XRCC4: variants seen among roughly 807,000 people sequenced by gnomAD.
XRCC4 encodes X-ray repair cross complementing 4.
XRCC4 carries 28 observed loss-of-function variants against 39.1 expected under a neutral mutation model. The observed-to-expected ratio is 0.72, with a 90% CI of 0.53 to 0.98. XRCC4 has a LOEUF of 0.98. XRCC4 is among the 50% of genes least tolerant of loss of function. The pLI is 0.00. For synonymous variants in XRCC4, 123 were observed against 126.4 expected (o/e 0.97, Z 0.18); for missense variants, 350 against 376.4 (o/e 0.93, Z 0.58).
At chr5:83,348,343 A>G (rs747708926) in intron 7 of XRCC4, among the ~76,000 whole-genome samples, 6 of 152,190 alleles carry the variant, frequency 3.9e-5, no homozygotes, top group Non-Finnish European at 7.3e-5. Context: ...ACATCCATGC[A>G]TTTCCATACA....
intron 7 of XRCC4, among the ~76,000 whole-genome samples, chr5:83,282,921 T>A (rs901190981): frequency 5.3e-5 from 8 of 152,092 alleles, no homozygotes; most frequent in Non-Finnish European, 8.8e-5. Context: ...ACAATATATA[T>A]TTGGAAACAT....
chr5:83,353,093 T>A, intron 7 of XRCC4, 38 bp from the exon 8 acceptor site: 3 of 1,516,688 alleles, frequency 2.0e-6, no homozygotes, highest in Non-Finnish European at 2.7e-6. Context: ...CAGAAGTTTT[T>A]AAAAATAAAA....
downstream of XRCC4, among the ~76,000 whole-genome samples, chr5:83,354,116 T>G (rs1439614000): frequency 6.6e-6 from 1 of 152,246 alleles, no homozygotes; most frequent in Non-Finnish European, 1.5e-5. Context: ...ACCATGTTGC[T>G]AAATCCAGTG....
intron 3 of XRCC4, among the ~76,000 whole-genome samples, chr5:83,123,203 A>G (rs547313449): frequency 6.6e-6 from 1 of 152,166 alleles, no homozygotes; most frequent in Admixed American, 6.5e-5. Context: ...TACTTCATGT[A>G]TTTTGAGTCT....
intron 3 of XRCC4, among the ~76,000 whole-genome samples, chr5:83,142,653 G>A (rs190593962): frequency 4.1e-4 from 62 of 150,606 alleles, no homozygotes; most frequent in African/African-American, 1.2e-3. Context: ...AAGGATATTT[G>A]AAGTTTTGTG....
chr5:83,314,688 T>A (rs558090103), intron 7 of XRCC4, among the ~76,000 whole-genome samples: 3 of 152,176 alleles, frequency 2.0e-5, no homozygotes, highest in Non-Finnish European at 4.4e-5. Context: ...ATATCTGTTA[T>A]GGTTATCTGT....
chr5:83,313,327 G>A (rs1235003731), intron 7 of XRCC4, among the ~76,000 whole-genome samples: 1 of 151,998 alleles, frequency 6.6e-6, no homozygotes, highest in African/African-American at 2.4e-5. Context: ...TACTGTCCCT[G>A]TCCATTGAAA....
At chr5:83,164,173 A>G (rs554943342) in intron 3 of XRCC4, among the ~76,000 whole-genome samples, 2 of 152,316 alleles carry the variant, frequency 1.3e-5, no homozygotes, top group East Asian at 1.9e-4. Context: ...ATAAGAAATT[A>G]GTGAACTGAA....
intron 7 of XRCC4, among the ~76,000 whole-genome samples, chr5:83,276,428 A>G (rs1754335973): frequency 6.6e-6 from 1 of 151,450 alleles, no homozygotes; most frequent in Non-Finnish European, 1.5e-5. Flanking sequence ...ACCCTAATGA[A>G]GGGATTAATC....
chr5:83,107,390 T>C lies in XRCC4; in HGVS notation c.139+2332T>C, dbSNP rs150515192. On this transcript the variant is annotated intron_variant, in intron 2 of 7. Transcript: ENST00000396027. ...TTCCGATACCTCATCCTGTTTTTTT[T>C]TGTTCAACATTTTGATTACTGCAAC... Among the ~76,000 whole-genome samples the C allele has an allele frequency of 3.3e-3, 506 of 152,088 alleles. 2 individuals carry two copies. The highest frequency in any genetic ancestry group is 0.012 in the African/African-American group (481 of 41,558).
At chr5:83,140,033 G>A (rs568499817) in intron 3 of XRCC4, among the ~76,000 whole-genome samples, 32 of 152,190 alleles carry the variant, frequency 2.1e-4, no homozygotes, top group African/African-American at 7.5e-4. Context: ...GTGAAATCTG[G>A]CTTTCATTTT....
rs553581219 is a variant in XRCC4, at chr5:83,303,427, G to A, written c.893+44750G>A. Among the ~76,000 whole-genome samples the A allele has an allele frequency of 2.0e-3, 311 of 152,146 alleles. 2 individuals carry two copies. Among genetic ancestry groups the A allele is most frequent in the Middle Eastern group, 0.014 (4 of 294 alleles). On this transcript the variant is annotated intron_variant, in intron 7 of 7. Coordinates refer to ENST00000396027, the MANE Select transcript of XRCC4 (RefSeq NM_003401.5). ...GTAAGAACAGTTATCCTGTAGTGTG[G>A]GAGCCATCACATAAGATCACATAAA...
intron 6 of XRCC4, among the ~76,000 whole-genome samples, chr5:83,219,061 T>G (rs1345865192): frequency 6.6e-6 from 1 of 152,114 alleles, no homozygotes; most frequent in East Asian, 1.9e-4. Context: ...GAATGATTTA[T>G]TAACCAGGCC....
chr5:83,263,965 T>G (rs944260386), intron 7 of XRCC4, among the ~76,000 whole-genome samples: 3 of 152,124 alleles, frequency 2.0e-5, no homozygotes, highest in Non-Finnish European at 4.4e-5. Context: ...CTTCTAGGGT[T>G]TTTATGGTTT....
At chr5:83,083,718 T>C (rs1459314516) in intron 1 of XRCC4, among the ~76,000 whole-genome samples, 1 of 152,146 alleles carries the variant, frequency 6.6e-6, no homozygotes, top group African/African-American at 2.4e-5. Context: ...TAATTTTTGA[T>C]TTGCAGTCTG....
chr5:83,343,819 T>G (rs989448423), intron 7 of XRCC4, among the ~76,000 whole-genome samples: 1 of 152,176 alleles, frequency 6.6e-6, no homozygotes, highest in Non-Finnish European at 1.5e-5. Context: ...TTGGTTCATC[T>G]AGTCCAAACA....
intron 1 of XRCC4, among the ~76,000 whole-genome samples, chr5:83,097,917 C>G (rs1424818201): frequency 6.6e-6 from 1 of 152,038 alleles, no homozygotes; most frequent in Non-Finnish European, 1.5e-5. Context: ...AGTCTTGGAA[C>G]TTAGGGTCCA....
At chr5:83,137,318 A>C (rs73148073) in intron 3 of XRCC4, among the ~76,000 whole-genome samples, 2,647 of 152,220 alleles carry the variant, frequency 0.017, 66 homozygotes, top group African/African-American at 0.061. Flanking sequence ...AATTAGACTT[A>C]ACTGGGATGT....
chr5:83,323,128 A>G (rs1056582842), intron 7 of XRCC4, among the ~76,000 whole-genome samples: 2 of 152,224 alleles, frequency 1.3e-5, no homozygotes, highest in African/African-American at 4.8e-5. Context: ...TGAAGCTTGA[A>G]ATAAAATAGT....
Sources: allele counts gnomAD v4.1 joint callset (sites outside exome capture counted in the v4.1 genomes callset), GRCh38; gene constraint gnomAD v4.1.1; transcripts MANE v1.5; gene names NCBI Gene and HGNC (gene_info 2026-07-23, HGNC 2026-07-21).